Variants in CHFR observed in about 807,000 individuals in gnomAD.
CHFR encodes the protein checkpoint with forkhead and ring finger domains, also known as E3 ubiquitin-protein ligase CHFR.
A neutral mutation model predicts 87.6 loss-of-function variants in CHFR; 57 were observed. That is an observed-to-expected ratio of 0.65 (90% CI 0.53 to 0.81). The LOEUF (loss-of-function observed/expected upper bound fraction) is 0.81. Ranked by LOEUF, CHFR falls within the 30% of genes least tolerant of loss-of-function variation. The probability of loss-of-function intolerance (pLI) is 0.00; values close to 1 mark genes in which losing one functional copy is unlikely to be tolerated. For synonymous variants in CHFR, 381 were observed against 359.2 expected, an observed-to-expected ratio of 1.06 and a Z score of -0.69; for missense variants, 797 against 865.8, an observed-to-expected ratio of 0.92 and a Z score of 1.00.
intron 2 of CHFR, among the ~76,000 whole-genome samples, chr12:132,885,208 G>A (rs1163760102): frequency 6.6e-6 from 1 of 151,850 alleles, no homozygotes; most frequent in Non-Finnish European, 1.5e-5. Context: ...AGGAGATTGA[G>A]ACCATCCTGG....
intron 7 of CHFR, among the ~76,000 whole-genome samples, chr12:132,859,565 T>C (rs888448016): frequency 6.6e-6 from 1 of 152,192 alleles, no homozygotes; most frequent in Non-Finnish European, 1.5e-5. Flanking sequence ...TTAGCCAGGA[T>C]GGTCTCAATC....
chr12:132,870,700 C>T (rs1320818775), intron 5 of CHFR, 24 bp downstream of exon 5: 3 of 1,552,836 alleles, frequency 1.9e-6, no homozygotes, highest in South Asian at 1.1e-5. Flanking sequence ...CATGCACCCA[C>T]TTCTTTGCTA....
intron 4 of CHFR, among the ~76,000 whole-genome samples, chr12:132,871,588 A>G (rs1206539016): frequency 1.3e-5 from 2 of 151,524 alleles, no homozygotes; most frequent in Non-Finnish European, 2.9e-5. Flanking sequence ...CCTGTCCAGC[A>G]TGGCAAAACC....
Position 132,835,714 on chromosome 12 carries a change from G to C in CHFR, c.*5840C>G. 1 of 250,144 alleles carries C rather than the reference G, an allele frequency of 4.0e-6. No individual in the cohort carries two copies. Among genetic ancestry groups the C allele is most frequent in the South Asian group, 3.7e-5 (1 of 27,304 alleles). 15.5% of individuals were successfully genotyped at this position (250,144 alleles called of 1,614,324 possible). On this transcript the variant is annotated 3_prime_UTR_variant, in exon 18 of 18. Transcript: ENST00000450056. ...ATACTTTCTGTTGTTTAAGCCGCCT[G>C]TTCTGCGGCGTTTTGATCCAGCGGC...
At chr12:132,844,290 ATTTATT>A (rs1316695519) in intron 15 of CHFR, among the ~76,000 whole-genome samples, 156 bp from the exon 16 acceptor site, 1 of 152,086 alleles carries the variant, frequency 6.6e-6, no homozygotes, top group African/African-American at 2.4e-5. Flanking sequence ...CTAGATACGA[ATTTATT>A]TTTATTGAGA....
In CHFR at chr12:132,861,521, A is replaced by G; in HGVS notation, c.697T>C (p.Leu233=). ...AAATCCTCCTGATCCTGGGGTTCCA[A>G]CGACGAAAAGGACGCAGTCTTTCTG... ...PDRKTASFSS[L]EPQDQEDLEP... The change falls in exon 7 of 18, where the codon TTG becomes CTG. Residue 233 remains leucine (L), a synonymous_variant. Coordinates refer to ENST00000450056, the MANE Select transcript of CHFR (RefSeq NM_001161346.2). 2 of 1,614,238 alleles carry G rather than the reference A, an allele frequency of 1.2e-6. No individual in the cohort carries two copies. The highest frequency in any genetic ancestry group is 1.7e-6 in the Non-Finnish European group (2 of 1,180,044).
At chr12:132,879,684 C>G (rs1374074430) in intron 2 of CHFR, among the ~76,000 whole-genome samples, 1 of 152,158 alleles carries the variant, frequency 6.6e-6, no homozygotes, top group African/African-American at 2.4e-5. Flanking sequence ...CCACCAGCGC[C>G]CGGCCCTGAA....
Position 132,847,095 on chromosome 12 carries a change from G to GT in CHFR, c.1682dup (p.Asn561LysfsTer19), listed in dbSNP as rs1224656808. On this transcript the variant is annotated frameshift_variant, in exon 15 of 18. Coordinates refer to ENST00000450056, the MANE Select transcript of CHFR (RefSeq NM_001161346.2). LOFTEE classifies it high-confidence loss of function. ...GAGCCACGAGGCTCTCGGTCAACAT[G>GT]TTTTTCCATGTCAAACCTCTGGTTG... 2.5e-6 allele frequency: 4 copies of GT among 1,613,620 alleles called. No individual in the cohort carries two copies. Among genetic ancestry groups the GT allele is most frequent in the Non-Finnish European group, 3.4e-6 (4 of 1,179,848 alleles).
At chr12:132,849,481 TGA>T (rs537084515) in intron 12 of CHFR, 7 of 152,236 alleles carry the variant, frequency 4.6e-5, no homozygotes, top group Admixed American at 6.6e-5. Context: ...AGGAAAACAG[TGA>T]GAGACACAAA....
At chr12:132,842,215 G>A (rs1950718363) in intron 17 of CHFR, among the ~76,000 whole-genome samples, 2 of 152,100 alleles carry the variant, frequency 1.3e-5, no homozygotes, top group Non-Finnish European at 2.9e-5. Flanking sequence ...TGCTGACAGG[G>A]CTGAGGCAGA....
chr12:132,864,784 G>A (rs1001518855), intron 6 of CHFR, among the ~76,000 whole-genome samples: 5 of 152,106 alleles, frequency 3.3e-5, no homozygotes, highest in Admixed American at 2.6e-4. Flanking sequence ...CACCACACCC[G>A]GCCAGAAGAA....
chr12:132,847,972 A>C, intron 14 of CHFR, 113 bp downstream of exon 14: 1 of 1,549,186 alleles, frequency 6.5e-7, no homozygotes, highest in Non-Finnish European at 8.7e-7. Flanking sequence ...CGGCTCCCCA[A>C]CCCGCAGCGG....
Position 132,851,768 on chromosome 12 carries a change from G to A in CHFR, c.1373-31C>T, listed in dbSNP as rs778501443. On this transcript the variant is annotated intron_variant, in intron 11 of 17. Coordinates refer to ENST00000450056, the MANE Select transcript of CHFR (RefSeq NM_001161346.2). Reference sequence around the variant, plus strand: ...GCACACGCACATTCAGCCGGAGCACGTGGGACCCAGGGCAGAAAGACAGCA... The same window carrying A: ...GCACACGCACATTCAGCCGGAGCACATGGGACCCAGGGCAGAAAGACAGCA... 7.5e-6 allele frequency: 12 copies of A among 1,595,080 alleles called. No homozygotes were observed. In the Admixed American group the frequency reaches 1.7e-4, roughly 22 times the overall value.
chr12:132,876,445 G>A (rs748561227), intron 3 of CHFR, among the ~76,000 whole-genome samples: 1 of 152,166 alleles, frequency 6.6e-6, no homozygotes, highest in Non-Finnish European at 1.5e-5. Flanking sequence ...CAACTGGTAA[G>A]TATAATGAAA....
At chr12:132,867,135 A>G (rs1390963880) in intron 6 of CHFR, 1 of 152,366 alleles carries the variant, frequency 6.6e-6, no homozygotes, top group Non-Finnish European at 1.5e-5. Flanking sequence ...CCTCAAGAAC[A>G]TCAACGAACA....
intron 2 of CHFR, among the ~76,000 whole-genome samples, chr12:132,884,663 A>G (rs957490130): frequency 6.6e-6 from 1 of 152,124 alleles, no homozygotes; most frequent in African/African-American, 2.4e-5. Context: ...AGAGAGAGCA[A>G]GCAGAGTCCC....
intron 12 of CHFR, among the ~76,000 whole-genome samples, chr12:132,850,581 T>C (rs1023325570): frequency 2.6e-5 from 4 of 152,094 alleles, no homozygotes; most frequent in African/African-American, 4.8e-5. Flanking sequence ...CCCACGGCCA[T>C]GTGTCCCGAC....
chr12:132,876,833 T>C (rs1408115009), intron 3 of CHFR, among the ~76,000 whole-genome samples: 1 of 152,206 alleles, frequency 6.6e-6, no homozygotes, highest in Non-Finnish European at 1.5e-5. Context: ...TTTCACTCGT[T>C]TCCCAGGCTG....
At chr12:132,853,735 TAGAG>T (rs1209500390) in intron 10 of CHFR, 162 bp from the exon 11 acceptor site, 3 of 781,864 alleles carry the variant, frequency 3.8e-6, no homozygotes, top group East Asian at 3.3e-5. Context: ...ACCCCAGTGT[TAGAG>T]AGGGACCAGA....
Sources: allele counts gnomAD v4.1 joint callset (sites outside exome capture counted in the v4.1 genomes callset), GRCh38; gene constraint gnomAD v4.1.1; transcripts MANE v1.5; gene names NCBI Gene and HGNC (gene_info 2026-07-23, HGNC 2026-07-21).